The following UBE2E3 variants were observed in gnomAD, a reference collection of about 807,000 sequenced individuals.
UBE2E3 encodes the protein ubiquitin-conjugating enzyme E2 E3.
A neutral mutation model predicts 23.6 loss-of-function variants in UBE2E3; 5 were observed. The ratio of observed to expected loss-of-function variants is 0.21; its 90% CI spans 0.11 to 0.44. The LOEUF is 0.44. Ranked by LOEUF, UBE2E3 falls within the 20% of genes least tolerant of loss-of-function variation. The pLI is 0.99. For synonymous variants in UBE2E3, 78 were observed against 87.5 expected (o/e 0.89, Z 0.60); for missense variants, 81 against 249.8 (o/e 0.32, Z 4.55).
intron 3 of UBE2E3, among the ~76,000 whole-genome samples, chr2:180,993,651 G>C (rs1433666906): frequency 6.6e-6 from 1 of 151,992 alleles, no homozygotes; most frequent in Non-Finnish European, 1.5e-5. Context: ...TCTGAGGATG[G>C]TTATTTGTAG....
At chr2:180,987,681 C>G (rs1289603161) in intron 3 of UBE2E3, among the ~76,000 whole-genome samples, 1 of 152,032 alleles carries the variant, frequency 6.6e-6, no homozygotes, top group East Asian at 1.9e-4. Flanking sequence ...ATAAAAGAAG[C>G]AGTTGTTTCT....
intron 3 of UBE2E3, among the ~76,000 whole-genome samples, chr2:181,010,586 CA>C (rs1685294704): frequency 6.6e-6 from 1 of 152,134 alleles, no homozygotes; most frequent in African/African-American, 2.4e-5. Flanking sequence ...CTGAGTTTCA[CA>C]GGTAGATATA....
chr2:181,050,729 C>G (rs905237417), intron 3 of UBE2E3, among the ~76,000 whole-genome samples: 2 of 151,874 alleles, frequency 1.3e-5, no homozygotes, highest in South Asian at 2.1e-4. Flanking sequence ...CTTTCTGGCT[C>G]GGTTTCTCAT....
intron 3 of UBE2E3, among the ~76,000 whole-genome samples, chr2:181,022,063 G>A (rs77268057): frequency 0.011 from 1,739 of 152,272 alleles, 33 homozygotes; most frequent in African/African-American, 0.039. Flanking sequence ...ATTGTAAAAT[G>A]CAGTACAGAT....
At chr2:180,990,457 C>T (rs1684622488) in intron 3 of UBE2E3, among the ~76,000 whole-genome samples, 1 of 152,132 alleles carries the variant, frequency 6.6e-6, no homozygotes, top group African/African-American at 2.4e-5. Context: ...GTGATGCATC[C>T]TTAATATATT....
rs529193248 is a variant in UBE2E3 at position 181,014,155 on chromosome 2, G to A, written c.245+30062G>A. Among the ~76,000 whole-genome samples, 15 of 152,284 alleles carry A rather than the reference G, an allele frequency of 9.9e-5. No individual in the cohort carries two copies. The East Asian group carries it at 1.4e-3, about 14-fold the overall frequency. On this transcript the variant is annotated intron_variant, in intron 3 of 5. Transcript: ENST00000410062. ...AAGTATTAAATGCAGTGCCATATTC[G>A]GAGATAGGAAATCCTGGAGGGTGTA...
intron 3 of UBE2E3, among the ~76,000 whole-genome samples, chr2:181,053,898 T>C (rs575744070): frequency 6.6e-6 from 1 of 152,006 alleles, no homozygotes; most frequent in South Asian, 2.1e-4. Context: ...ATTTTTACTG[T>C]TTCTGTAGTT....
intron 3 of UBE2E3, among the ~76,000 whole-genome samples, chr2:181,034,319 C>A (rs866548167): frequency 6.6e-6 from 1 of 152,184 alleles, no homozygotes; most frequent in African/African-American, 2.4e-5. Context: ...AAATGTGGCA[C>A]ATATACACCA....
chr2:181,043,195 C>T (rs1299224915), intron 3 of UBE2E3, among the ~76,000 whole-genome samples: 1 of 152,106 alleles, frequency 6.6e-6, no homozygotes, highest in Non-Finnish European at 1.5e-5. Context: ...ACGAGTTAAC[C>T]TGAACACATT....
chr2:180,982,989 T>C (rs1207774780), intron 2 of UBE2E3, among the ~76,000 whole-genome samples: 1 of 152,204 alleles, frequency 6.6e-6, no homozygotes, highest in Non-Finnish European at 1.5e-5. Context: ...AGATCATTTG[T>C]TTCCTATTGA....
intron 4 of UBE2E3, among the ~76,000 whole-genome samples, chr2:181,058,399 G>A (rs556802597): frequency 1.4e-3 from 214 of 151,652 alleles, no homozygotes; most frequent in African/African-American, 4.4e-3. Flanking sequence ...GAATTAGATG[G>A]ATAACAGAGA....
chr2:181,015,048 A>G (rs1685445245), intron 3 of UBE2E3, among the ~76,000 whole-genome samples: 2 of 152,190 alleles, frequency 1.3e-5, no homozygotes, highest in Non-Finnish European at 2.9e-5. Context: ...TGAGGTCAAT[A>G]GCTGCAAAGA....
chr2:181,020,889 G>A (rs1192616245), intron 3 of UBE2E3, among the ~76,000 whole-genome samples: 1 of 152,184 alleles, frequency 6.6e-6, no homozygotes, highest in African/African-American at 2.4e-5. Flanking sequence ...GATGGATTAA[G>A]TTTTATATTA....
intron 3 of UBE2E3, among the ~76,000 whole-genome samples, chr2:180,984,859 T>C (rs1157408403): frequency 6.6e-6 from 1 of 152,126 alleles, no homozygotes; most frequent in Non-Finnish European, 1.5e-5. Flanking sequence ...CGCTCTATTC[T>C]TTTTTTAATG....
chr2:180,983,241 C>G (rs1684357628), intron 2 of UBE2E3, among the ~76,000 whole-genome samples: 1 of 151,918 alleles, frequency 6.6e-6, no homozygotes, highest in Non-Finnish European at 1.5e-5. Context: ...GGATTTTCAC[C>G]CTTATTGTCT....
intron 3 of UBE2E3, among the ~76,000 whole-genome samples, chr2:181,028,265 A>G (rs1343342788): frequency 6.6e-6 from 1 of 152,076 alleles, no homozygotes; most frequent in Non-Finnish European, 1.5e-5. Context: ...TTCATGCTGT[A>G]TACGATTTTA....
chr2:180,992,009 G>A (rs961673088), intron 3 of UBE2E3, among the ~76,000 whole-genome samples: 11 of 152,152 alleles, frequency 7.2e-5, no homozygotes, highest in African/African-American at 1.4e-4. Context: ...CTTCTGTTAC[G>A]TGACCATGAC....
At chr2:181,032,813 C>T (rs986849261) in intron 3 of UBE2E3, among the ~76,000 whole-genome samples, 1 of 152,158 alleles carries the variant, frequency 6.6e-6, no homozygotes, top group South Asian at 2.1e-4. Flanking sequence ...TCTCCTTAAG[C>T]TGATAAGCAA....
intron 3 of UBE2E3, among the ~76,000 whole-genome samples, chr2:180,996,070 C>A (rs569512511): frequency 1.3e-5 from 2 of 152,004 alleles, no homozygotes; most frequent in South Asian, 4.2e-4. Context: ...TGTAGTACTT[C>A]AGTATATTGC....
Sources: gnomAD v4.1 joint callset for allele counts (sites outside exome capture counted in the v4.1 genomes callset) on GRCh38, gnomAD v4.1.1 for gene constraint, MANE v1.5 for transcripts, NCBI Gene and HGNC (gene_info 2026-07-23, HGNC 2026-07-21) for gene names.